Variants in KHDRBS2 observed in about 807,000 individuals in gnomAD.
KHDRBS2 encodes KH domain-containing, RNA-binding, signal transduction-associated protein 2.
KHDRBS2 carries 26 observed loss-of-function variants against 44.3 expected under a neutral mutation model. The ratio of observed to expected loss-of-function variants is 0.59; its 90% CI spans 0.43 to 0.81. KHDRBS2 has a LOEUF of 0.81. Ranked by LOEUF, KHDRBS2 falls within the 40% of genes least tolerant of loss-of-function variation. The pLI, the probability that KHDRBS2 is intolerant of heterozygous loss-of-function variation, is 0.00. For synonymous variants in KHDRBS2, 194 were observed against 151.1 expected, an observed-to-expected ratio of 1.28 and a Z score of -2.08; for missense variants, 476 against 433.1, an observed-to-expected ratio of 1.10 and a Z score of -0.88.
chr6:61,734,123 T>A (rs1774938264), intron 6 of KHDRBS2, among the ~76,000 whole-genome samples: 2 of 152,196 alleles, frequency 1.3e-5, no homozygotes, highest in Non-Finnish European at 2.9e-5. Context: ...CCTTATTTCT[T>A]CATTTTCACG....
In KHDRBS2 at chr6:62,156,767, G is replaced by A. The variant is rs570192512; in HGVS notation, c.219+20418C>T. 3.3e-5 allele frequency among the ~76,000 whole-genome samples: 5 copies of A among 151,848 alleles called. No individual in the cohort carries two copies. In the South Asian group the frequency reaches 1.0e-3, roughly 32 times the overall value. The stretch of plus-strand genomic sequence containing the variant: ...GCTCACTGCAAGCTCCGCCTCCCGG[G>A]TTCACACCATTCTCCTGCCTCAGCC... On this transcript the variant is annotated intron_variant, in intron 2 of 8. Coordinates refer to ENST00000281156, the MANE Select transcript of KHDRBS2 (RefSeq NM_152688.4).
chr6:61,640,378 A>G, the KHDRBS2 span, among the ~76,000 whole-genome samples: 1 of 152,126 alleles, frequency 6.6e-6, no homozygotes, highest in African/African-American at 2.4e-5. Flanking sequence ...TAGGAAAGTA[A>G]TTATTCAGTT....
intron 1 of KHDRBS2, among the ~76,000 whole-genome samples, chr6:62,282,558 A>G (rs1361213111): frequency 6.6e-6 from 1 of 152,150 alleles, no homozygotes; most frequent in African/African-American, 2.4e-5. Flanking sequence ...CTGTCAGCAG[A>G]CACAGAATAT....
At chr6:62,107,223 C>T (rs1803636178) in intron 2 of KHDRBS2, among the ~76,000 whole-genome samples, 1 of 152,208 alleles carries the variant, frequency 6.6e-6, no homozygotes, top group East Asian at 1.9e-4. Context: ...TCTCCTTAAG[C>T]TGATAAGCAA....
intron 1 of KHDRBS2, among the ~76,000 whole-genome samples, chr6:62,197,106 T>A (rs1380982359): frequency 6.6e-6 from 1 of 152,152 alleles, no homozygotes; most frequent in Non-Finnish European, 1.5e-5. Context: ...ATTTAATCTT[T>A]AAATCTTCTG....
chr6:62,155,231 C>A (rs1337866432), intron 2 of KHDRBS2, among the ~76,000 whole-genome samples: 1 of 151,988 alleles, frequency 6.6e-6, no homozygotes, highest in African/African-American at 2.4e-5. Context: ...AAAGATGACA[C>A]CCAATTCTGA....
At chr6:62,209,877 T>C (rs1828725465) in intron 1 of KHDRBS2, among the ~76,000 whole-genome samples, 1 of 152,170 alleles carries the variant, frequency 6.6e-6, no homozygotes, top group African/African-American at 2.4e-5. Context: ...ACCAGTGATT[T>C]GCCAGGAGCT....
At chr6:62,087,999 G>A (rs535184374) in intron 2 of KHDRBS2, among the ~76,000 whole-genome samples, 1 of 152,146 alleles carries the variant, frequency 6.6e-6, no homozygotes, top group South Asian at 2.1e-4. Flanking sequence ...ATTAATACTT[G>A]CGTATGCTTC....
chr6:62,086,393 A>C (rs1242950293), intron 2 of KHDRBS2, among the ~76,000 whole-genome samples: 1 of 152,172 alleles, frequency 6.6e-6, no homozygotes, highest in African/African-American at 2.4e-5. Flanking sequence ...TTAATTAAGC[A>C]AGACAGTGGG....
At chr6:61,814,891 G>C (rs1231556145) in intron 6 of KHDRBS2, among the ~76,000 whole-genome samples, 1 of 152,156 alleles carries the variant, frequency 6.6e-6, no homozygotes. Flanking sequence ...AACTAAACTT[G>C]AGCACAAAAG....
At chr6:61,681,219 T>A (rs921791334) in intron 8 of KHDRBS2, among the ~76,000 whole-genome samples, 159 bp from the exon 9 acceptor site, 6 of 151,866 alleles carry the variant, frequency 4.0e-5, no homozygotes, top group Admixed American at 2.0e-4. Flanking sequence ...CAAAAAAGTG[T>A]GTGTATATAA....
intron 6 of KHDRBS2, among the ~76,000 whole-genome samples, chr6:61,834,576 C>T (rs537701091): frequency 6.6e-6 from 1 of 151,934 alleles, no homozygotes; most frequent in African/African-American, 2.4e-5. Context: ...TACATTTGTT[C>T]CTCTGGAAGC....
intron 6 of KHDRBS2, among the ~76,000 whole-genome samples, chr6:61,773,748 G>A (rs1427688934): frequency 6.6e-6 from 1 of 151,756 alleles, no homozygotes; most frequent in African/African-American, 2.4e-5. Context: ...TAATGCCTAC[G>A]TTTTCTTCTA....
At chr6:61,981,654 A>C (rs1385873532) in intron 3 of KHDRBS2, among the ~76,000 whole-genome samples, 8 of 152,140 alleles carry the variant, frequency 5.3e-5, no homozygotes, top group Admixed American at 1.3e-4. Flanking sequence ...AATTTGCAAA[A>C]ATCAAATTCT....
the KHDRBS2 span, among the ~76,000 whole-genome samples, chr6:61,667,650 T>C: frequency 1.3e-5 from 2 of 150,540 alleles, no homozygotes; most frequent in Non-Finnish European, 3.0e-5. Flanking sequence ...GCAGTTGATG[T>C]CATTTTTCCT....
chr6:61,678,264 T>G (rs1264132830), downstream of KHDRBS2, among the ~76,000 whole-genome samples: 1 of 151,964 alleles, frequency 6.6e-6, no homozygotes, highest in African/African-American at 2.4e-5. Context: ...CCCTGCACTC[T>G]TTTCAGTTGA....
chr6:62,044,512 G>C (rs976738646), intron 3 of KHDRBS2, among the ~76,000 whole-genome samples: 6 of 151,548 alleles, frequency 4.0e-5, no homozygotes, highest in African/African-American at 1.5e-4. Flanking sequence ...AAAAGAAAAA[G>C]AAAGAAAAAG....
chr6:62,152,992 C>T (rs192726154), intron 2 of KHDRBS2, among the ~76,000 whole-genome samples: 95 of 152,274 alleles, frequency 6.2e-4, no homozygotes, highest in African/African-American at 2.1e-3. Context: ...GACTTTGGCC[C>T]ACATGTGGCT....
At chr6:61,876,030 T>G (rs1799365962) in intron 6 of KHDRBS2, among the ~76,000 whole-genome samples, 1 of 152,052 alleles carries the variant, frequency 6.6e-6, no homozygotes. Flanking sequence ...ATTTATTTAT[T>G]TGTAAATGTG....
Sources: allele counts gnomAD v4.1 joint callset (sites outside exome capture counted in the v4.1 genomes callset), GRCh38; gene constraint gnomAD v4.1.1; transcripts MANE v1.5; gene names NCBI Gene and HGNC (gene_info 2026-07-23, HGNC 2026-07-21).